PRKAG2: variants seen among roughly 807,000 people sequenced by gnomAD.
PRKAG2 encodes the protein 5'-AMP-activated protein kinase subunit gamma-2.
In PRKAG2, 26 loss-of-function variants were observed where a neutral mutation model predicts 69.6. That is an observed-to-expected ratio of 0.37 (90% CI 0.27 to 0.52). The LOEUF is 0.52. PRKAG2 is among the 20% of genes least tolerant of loss of function. PRKAG2 has a pLI of 0.90. For synonymous variants in PRKAG2, 293 were observed against 285.0 expected (o/e 1.03, Z -0.28); for missense variants, 557 against 740.0 (o/e 0.75, Z 2.87).
At chr7:151,815,141 G>T (rs2078603777) in intron 1 of PRKAG2, among the ~76,000 whole-genome samples, 1 of 152,122 alleles carries the variant, frequency 6.6e-6, no homozygotes, top group Admixed American at 6.5e-5. Flanking sequence ...GATGGGTATG[G>T]CTTTCCAAAA....
At position 151,565,764 on chromosome 7, in the gene PRKAG2, A is replaced by G. The variant is rs1414884410; in HGVS notation, c.1355T>C (p.Phe452Ser). The G allele has an allele frequency of 6.2e-7, 1 of 1,613,940 alleles. No homozygotes were observed. ...CAGAGCTGATATTCGTCTTTCCACA[A>G]ATATGTTCAAGGCTTTGATGATGGG... ...DTPIIKALNIFVERRISALPV... is the reference protein window; with the variant it reads ...DTPIIKALNISVERRISALPV... The change falls in exon 12 of 16, where the codon TTT (phenylalanine) becomes TCT (serine). Residue 452 changes from phenylalanine (F) to serine (S), a missense_variant. Around this residue, in one of 2 missense-constraint regions of PRKAG2, gnomAD observed 205 missense variants for 383.4 expected, o/e 0.53. Transcript: ENST00000287878.
rs543019420 is a variant in PRKAG2, at chr7:151,808,942, G to C, written c.115-22401C>G. Among the ~76,000 whole-genome samples, 4 of 152,300 alleles carry C rather than the reference G, an allele frequency of 2.6e-5. No homozygotes were observed. In the East Asian group the frequency reaches 7.8e-4, roughly 30 times the overall value. Reference sequence around the variant, plus strand: ...CTCCTCACGCCCAAGCCCAGGCCTGGTGGGAGCACGGTTCTCTCCCGCGCT... The same window carrying C: ...CTCCTCACGCCCAAGCCCAGGCCTGCTGGGAGCACGGTTCTCTCCCGCGCT... On this transcript the variant is annotated intron_variant, in intron 1 of 15. Coordinates refer to ENST00000287878, the MANE Select transcript of PRKAG2 (RefSeq NM_016203.4).
chr7:151,619,794 G>C (rs1821030021), intron 5 of PRKAG2, among the ~76,000 whole-genome samples: 1 of 152,180 alleles, frequency 6.6e-6, no homozygotes, highest in Non-Finnish European at 1.5e-5. Context: ...GCCGAGGTGG[G>C]AGGATCACCT....
At chr7:151,654,064 G>A (rs1052471597) in intron 4 of PRKAG2, among the ~76,000 whole-genome samples, 2 of 151,962 alleles carry the variant, frequency 1.3e-5, no homozygotes, top group Admixed American at 1.3e-4. Flanking sequence ...TCAAAATGAG[G>A]ATAATTTCTT....
intron 4 of PRKAG2, among the ~76,000 whole-genome samples, chr7:151,652,238 T>C (rs1563348256): frequency 6.6e-6 from 1 of 152,210 alleles, no homozygotes; most frequent in Non-Finnish European, 1.5e-5. Context: ...GGTAAACCAA[T>C]ACACTCCTCT....
At chr7:151,763,765 G>A (rs1370004659) in intron 3 of PRKAG2, among the ~76,000 whole-genome samples, 1 of 152,214 alleles carries the variant, frequency 6.6e-6, no homozygotes, top group Non-Finnish European at 1.5e-5. Context: ...ATACCCAGCT[G>A]TCTGTCTCCA....
chr7:151,731,548 A>C (rs188784790), intron 3 of PRKAG2, among the ~76,000 whole-genome samples: 2 of 128,166 alleles, frequency 1.6e-5, no homozygotes, highest in Non-Finnish European at 3.4e-5. Context: ...GCACAGGTAC[A>C]TGACATGTGT....
Position 151,762,268 on chromosome 7 carries a change from G to A in PRKAG2, c.466+18884C>T, listed in dbSNP as rs569432951. 7.2e-5 allele frequency among the ~76,000 whole-genome samples: 11 copies of A among 152,338 alleles called. No individual in the cohort carries two copies. The East Asian group carries it at 2.1e-3, about 29-fold the overall frequency. On this transcript the variant is annotated intron_variant, in intron 3 of 15. Coordinates refer to ENST00000287878, the MANE Select transcript of PRKAG2 (RefSeq NM_016203.4). The stretch of plus-strand genomic sequence containing the variant: ...GATCCCCTACACGCATCTCCAGGGT[G>A]GGAAATGACTTTCCGCAGTAGGCAG...
At position 151,819,991 on chromosome 7, in the gene PRKAG2, T is replaced by C. The variant is rs188872901; in HGVS notation, c.115-33450A>G. The stretch of plus-strand genomic sequence containing the variant: ...TGCCCAAGGTCACATGGCTGTGTCC[T>C]TAGAGGGCCAAGGCTAAGACCAGGT... On this transcript the variant is annotated intron_variant, in intron 1 of 15. Coordinates refer to ENST00000287878, the MANE Select transcript of PRKAG2 (RefSeq NM_016203.4). 1.1e-3 allele frequency among the ~76,000 whole-genome samples: 167 copies of C among 152,338 alleles called. No individual in the cohort carries two copies. In the South Asian group the frequency reaches 0.022, roughly 20 times the overall value.
rs149224274 is a variant in PRKAG2, at chr7:151,650,789, T to G, written c.685-18651A>C. Among the ~76,000 whole-genome samples, 202 of 152,354 alleles carry G rather than the reference T, an allele frequency of 1.3e-3. 1 individual carries two copies. Among genetic ancestry groups the G allele is most frequent in the Non-Finnish European group, 2.4e-3 (165 of 68,026 alleles). ...CAGTGTCACTTAAGAAGGTCTTTGA[T>G]AATGCCATACATTTATTCATTTTGT... On this transcript the variant is annotated intron_variant, in intron 4 of 15. Coordinates refer to ENST00000287878, the MANE Select transcript of PRKAG2 (RefSeq NM_016203.4).
intron 3 of PRKAG2, among the ~76,000 whole-genome samples, chr7:151,720,873 G>T (rs932159555): frequency 1.4e-5 from 2 of 140,442 alleles, no homozygotes; most frequent in African/African-American, 5.4e-5. Context: ...GGAGGGAGAG[G>T]GTCAGAGGGG....
At chr7:151,640,306 T>C (rs1466258086) in intron 4 of PRKAG2, among the ~76,000 whole-genome samples, 2 of 152,080 alleles carry the variant, frequency 1.3e-5, no homozygotes, top group East Asian at 1.9e-4. Flanking sequence ...TGAGACTCTG[T>C]CTCAACAAAA....
At chr7:151,592,355 T>C (rs1354139631) in intron 6 of PRKAG2, among the ~76,000 whole-genome samples, 4 of 152,216 alleles carry the variant, frequency 2.6e-5, no homozygotes, top group Admixed American at 1.3e-4. Context: ...CATATCTACA[T>C]GGATCCCCAG....
At chr7:151,784,444 T>G (rs1363148490) in intron 2 of PRKAG2, among the ~76,000 whole-genome samples, 1 of 152,090 alleles carries the variant, frequency 6.6e-6, no homozygotes, top group Non-Finnish European at 1.5e-5. Context: ...ACCATGCAGA[T>G]GGATAAATGG....
rs1039938289 is a variant in PRKAG2, at chr7:151,876,522, C to T, written c.99G>A (p.Leu33=). 2.5e-6 allele frequency: 4 copies of T among 1,607,290 alleles called. No homozygotes were observed. The highest frequency in any genetic ancestry group is 3.3e-5 in the Admixed American group (2 of 60,010). ...KKNASQKRRS[L]RVHIPDLSSF... is the part of the protein sequence containing the mutation. ...TGGGACTCACCGGAATGTGCACGCG[C>T]AGCGAACGCCTCTTCTGGCTGGCAT... Residue 33 remains leucine, a synonymous_variant, in exon 1 of 16, where the codon CTG becomes CTA. Transcript: ENST00000287878.
intron 3 of PRKAG2, among the ~76,000 whole-genome samples, chr7:151,715,149 G>A (rs1197337822): frequency 2.7e-5 from 4 of 147,470 alleles, no homozygotes; most frequent in Non-Finnish European, 6.0e-5. Context: ...CAAAGTAGCT[G>A]GGATTACAGG....
chr7:151,804,503 C>T (rs2078006073), intron 1 of PRKAG2, among the ~76,000 whole-genome samples: 1 of 152,154 alleles, frequency 6.6e-6, no homozygotes, highest in Non-Finnish European at 1.5e-5. Flanking sequence ...CCTGCTCTCT[C>T]CCTTGACATG....
intron 1 of PRKAG2, among the ~76,000 whole-genome samples, chr7:151,829,823 G>A (rs1005582610): frequency 7.9e-5 from 12 of 151,934 alleles, no homozygotes; most frequent in Non-Finnish European, 1.5e-4. Flanking sequence ...GAGGGCATAA[G>A]AGGACGGGGT....
intron 1 of PRKAG2, among the ~76,000 whole-genome samples, chr7:151,800,840 C>G (rs113482139): frequency 6.6e-6 from 1 of 152,114 alleles, no homozygotes; most frequent in Non-Finnish European, 1.5e-5. Context: ...CTATGGACTT[C>G]GGTTAACAAT....
Sources: gnomAD v4.1 joint callset for allele counts (sites outside exome capture counted in the v4.1 genomes callset) on GRCh38, gnomAD v4.1.1 for gene constraint, gnomAD v4.1.1 regional missense constraint, MANE v1.5 for transcripts, NCBI Gene and HGNC (gene_info 2026-07-23, HGNC 2026-07-21) for gene names.